Variants in MIPOL1 observed in about 807,000 individuals in gnomAD.
MIPOL1 encodes mirror-image polydactyly 1, also known as mirror-image polydactyly gene 1 protein.
In MIPOL1, 57 loss-of-function variants were observed where a neutral mutation model predicts 60.9. That is an observed-to-expected ratio of 0.94 (90% CI 0.76 to 1.17). The LOEUF (loss-of-function observed/expected upper bound fraction) is 1.17. MIPOL1 is among the 50% of genes most tolerant of loss of function. The probability of loss-of-function intolerance (pLI) is 0.00; values close to 1 mark genes in which losing one functional copy is unlikely to be tolerated. For missense variants in MIPOL1, 551 were observed against 511.6 expected, an observed-to-expected ratio of 1.08 and a Z score of -0.74; for synonymous variants, 179 against 168.8, an observed-to-expected ratio of 1.06 and a Z score of -0.47.
intron 7 of MIPOL1, among the ~76,000 whole-genome samples, chr14:37,293,594 C>G (rs568161054): frequency 6.6e-6 from 1 of 152,162 alleles, no homozygotes; most frequent in Non-Finnish European, 1.5e-5. Context: ...CCTGGAAAAT[C>G]GGATCACTCC....
intron 1 of MIPOL1, among the ~76,000 whole-genome samples, chr14:37,242,609 TGTTA>T (rs1229824904): frequency 6.6e-6 from 1 of 152,176 alleles, no homozygotes; most frequent in African/African-American, 2.4e-5. Context: ...CGGACATTTA[TGTTA>T]GTTCTAGTTT....
At chr14:37,510,341 A>G (rs2095318167) in intron 12 of MIPOL1, among the ~76,000 whole-genome samples, 1 of 152,102 alleles carries the variant, frequency 6.6e-6, no homozygotes, top group South Asian at 2.1e-4. Context: ...CAGCCTCCCC[A>G]GGAGCTGGGA....
intron 9 of MIPOL1, among the ~76,000 whole-genome samples, chr14:37,350,020 A>G (rs988718299): frequency 3.3e-5 from 5 of 152,210 alleles, no homozygotes; most frequent in Non-Finnish European, 7.3e-5. Context: ...TACATTTGGT[A>G]AACATTGGTG....
chr14:37,321,642 C>A (rs537726199), intron 9 of MIPOL1, among the ~76,000 whole-genome samples: 4 of 151,748 alleles, frequency 2.6e-5, no homozygotes, highest in Non-Finnish European at 5.9e-5. Context: ...ATGTATTGTT[C>A]GTATGTTGTG....
At position 37,471,076 on chromosome 14, in the gene MIPOL1, G is replaced by A. The variant is rs942488126; in HGVS notation, c.1032-28832G>A. 1.9e-4 allele frequency among the ~76,000 whole-genome samples: 29 copies of A among 152,266 alleles called. No individual in the cohort carries two copies. The Middle Eastern group carries it at 0.014, about 71-fold the overall frequency. On this transcript the variant is annotated intron_variant, in intron 11 of 12. Coordinates refer to ENST00000684589, the MANE Select transcript of MIPOL1 (RefSeq NM_001388067.1). ...GTATCCATGTAGCAAAACTGCACAT[G>A]TACTCACTGAATCTATACAAATAAA...
chr14:37,400,408 CAAGT>C (rs1272033879), intron 10 of MIPOL1: 3 of 151,984 alleles, frequency 2.0e-5, no homozygotes, highest in African/African-American at 7.2e-5. Flanking sequence ...GTTTTCTAAA[CAAGT>C]GAGTTAAGTT....
At chr14:37,421,729 G>A (rs1355954453) in intron 10 of MIPOL1, among the ~76,000 whole-genome samples, 1 of 151,890 alleles carries the variant, frequency 6.6e-6, no homozygotes, top group Non-Finnish European at 1.5e-5. Flanking sequence ...ACTGCTGCAT[G>A]CTTTTAAAAT....
chr14:37,249,705 G>A (rs953346866), intron 3 of MIPOL1, among the ~76,000 whole-genome samples: 1 of 152,074 alleles, frequency 6.6e-6, no homozygotes, highest in African/African-American at 2.4e-5. Context: ...GGATAAGAAT[G>A]TATTGGTATG....
intron 11 of MIPOL1, among the ~76,000 whole-genome samples, chr14:37,481,284 T>A (rs1270640361): frequency 2.0e-5 from 3 of 151,902 alleles, no homozygotes; most frequent in Non-Finnish European, 4.4e-5. Flanking sequence ...AGCTACCCCC[T>A]AAAAAAATTA....
rs989103039 is a variant in MIPOL1 at position 37,225,444 on chromosome 14, A to G, written c.-198-21659A>G. On this transcript the variant is annotated intron_variant, in intron 1 of 12. Transcript: ENST00000684589. ...TCCCAAACCCCAATACTTGACTTCT[A>G]TGCACTTGCAGGCTCAACACCACAT... Among the ~76,000 whole-genome samples, 9 of 152,170 alleles carry G rather than the reference A, an allele frequency of 5.9e-5. No homozygotes were observed. In the East Asian group the frequency reaches 7.7e-4, roughly 13 times the overall value.
intron 10 of MIPOL1, among the ~76,000 whole-genome samples, chr14:37,421,197 G>T (rs1179317539): frequency 1.3e-5 from 2 of 152,092 alleles, no homozygotes; most frequent in African/African-American, 4.8e-5. Flanking sequence ...TTTCCTACAA[G>T]AATTTTTGTT....
At chr14:37,367,894 G>C (rs1190644914) in intron 9 of MIPOL1, among the ~76,000 whole-genome samples, 1 of 151,996 alleles carries the variant, frequency 6.6e-6, no homozygotes, top group African/African-American at 2.4e-5. Context: ...AACACACACT[G>C]TGATTTGATT....
intron 10 of MIPOL1, among the ~76,000 whole-genome samples, chr14:37,416,777 C>T (rs1476951627): frequency 6.6e-6 from 1 of 152,132 alleles, no homozygotes; most frequent in Non-Finnish European, 1.5e-5. Flanking sequence ...AGCAAGACCT[C>T]TCAGGGACTT....
At chr14:37,408,194 A>G (rs1043118905) in intron 10 of MIPOL1, among the ~76,000 whole-genome samples, 3 of 152,128 alleles carry the variant, frequency 2.0e-5, no homozygotes, top group Non-Finnish European at 4.4e-5. Context: ...CTAAAAAACA[A>G]TGTTAAGAGA....
At chr14:37,514,925 T>C (rs1265237852) in intron 12 of MIPOL1, among the ~76,000 whole-genome samples, 1 of 152,172 alleles carries the variant, frequency 6.6e-6, no homozygotes, top group Non-Finnish European at 1.5e-5. Flanking sequence ...CAAAATATAA[T>C]TGGGAGAAAC....
At chr14:37,477,905 T>A (rs1244519585) in intron 11 of MIPOL1, among the ~76,000 whole-genome samples, 1 of 152,276 alleles carries the variant, frequency 6.6e-6, no homozygotes, top group Non-Finnish European at 1.5e-5. Context: ...TTTTGTTTTC[T>A]ATTGCTTTGC....
intron 10 of MIPOL1, among the ~76,000 whole-genome samples, chr14:37,398,667 T>G (rs1435170898): frequency 3.3e-5 from 5 of 152,190 alleles, no homozygotes; most frequent in Admixed American, 3.3e-4. Context: ...ACCAAAAACT[T>G]ATAATATGAA....
intron 11 of MIPOL1, among the ~76,000 whole-genome samples, chr14:37,453,230 T>C (rs2094441823): frequency 6.6e-6 from 1 of 152,134 alleles, no homozygotes; most frequent in South Asian, 2.1e-4. Context: ...CCATAATCAC[T>C]TTTTACTTCC....
intron 3 of MIPOL1, among the ~76,000 whole-genome samples, chr14:37,254,380 G>T (rs1449811044): frequency 6.6e-6 from 1 of 151,724 alleles, no homozygotes; most frequent in African/African-American, 2.4e-5. Context: ...ACCCTTTTAA[G>T]ATTCATAATT....
Sources: gnomAD v4.1 joint callset for allele counts (sites outside exome capture counted in the v4.1 genomes callset) on GRCh38, gnomAD v4.1.1 for gene constraint, MANE v1.5 for transcripts, NCBI Gene and HGNC (gene_info 2026-07-23, HGNC 2026-07-21) for gene names.